The following CLDN10 variants were observed in gnomAD, a reference collection of about 807,000 sequenced individuals.
The protein encoded by CLDN10 is claudin-10.
In CLDN10, 15 loss-of-function variants were observed where a neutral mutation model predicts 22.9. The ratio of observed to expected loss-of-function variants is 0.65; its 90% CI spans 0.44 to 1.01. The LOEUF (loss-of-function observed/expected upper bound fraction) is 1.01. Ranked by LOEUF, CLDN10 falls within the 50% of genes least tolerant of loss-of-function variation. The pLI, the probability that CLDN10 is intolerant of heterozygous loss-of-function variation, is 0.00. For synonymous variants in CLDN10, 114 were observed against 111.4 expected (o/e 1.02, Z -0.15); for missense variants, 247 against 287.8 (o/e 0.86, Z 1.03).
intron 1 of CLDN10, chr13:95,479,872 T>G (rs1374872633): frequency 6.6e-6 from 1 of 152,300 alleles, no homozygotes; most frequent in Non-Finnish European, 1.5e-5. Context: ...CTCAAGGGTT[T>G]GCAACAGAGA....
At position 95,578,769 on chromosome 13, in the gene CLDN10, C is replaced by A. The variant is rs985167368; in HGVS notation, c.*755C>A. ...GTGAATATTTAGTTGTTTTCATAAA[C>A]GATGCTGTGATGAAGACTCATGTAC... On this transcript the variant is annotated 3_prime_UTR_variant, in exon 5 of 5. Transcript: ENST00000299339. 7 of 152,184 alleles carry A rather than the reference C, an allele frequency of 4.6e-5. No homozygotes were observed. The highest frequency in any genetic ancestry group is 4.6e-4 in the Admixed American group (7 of 15,278). The allele number at this position is 152,184 out of a possible 1,614,324, so 9.4% of individuals were successfully genotyped here. A position where few individuals can be genotyped will look rare whatever the true frequency, so the allele number is the denominator to read the frequency against.
In CLDN10 at chr13:95,457,472, C is replaced by G. The variant is rs531907378; in HGVS notation, c.214+23425C>G. Among the ~76,000 whole-genome samples the G allele has an allele frequency of 2.4e-4, 37 of 152,182 alleles. No individual in the cohort carries two copies. In the South Asian group the frequency reaches 7.7e-3, roughly 32 times the overall value. The stretch of plus-strand genomic sequence containing the variant: ...TGTTCTGTGCAGTCTTGGGAACTGA[C>G]AGAGCAGTTGTGGTTATCTGTTTGA... On this transcript the variant is annotated intron_variant, in intron 1 of 4. Transcript: ENST00000376873.
intron 3 of CLDN10, among the ~76,000 whole-genome samples, chr13:95,568,919 G>T (rs547747129): frequency 6.6e-6 from 1 of 152,058 alleles, no homozygotes; most frequent in Non-Finnish European, 1.5e-5. Context: ...GTAAACCCTC[G>T]CTCTGCCACT....
chr13:95,575,499 A>G (rs1265762788), intron 3 of CLDN10, among the ~76,000 whole-genome samples: 1 of 152,040 alleles, frequency 6.6e-6, no homozygotes, highest in Non-Finnish European at 1.5e-5. Context: ...GTGTAACACA[A>G]TATTTAATGA....
intron 1 of CLDN10, among the ~76,000 whole-genome samples, chr13:95,448,296 C>T (rs985083492): frequency 2.6e-5 from 4 of 152,036 alleles, no homozygotes; most frequent in Admixed American, 6.6e-5. Context: ...ACATAGCCAG[C>T]CATTTGCCAT....
At chr13:95,575,670 G>A (rs1272090848) in intron 3 of CLDN10, among the ~76,000 whole-genome samples, 1 of 151,624 alleles carries the variant, frequency 6.6e-6, no homozygotes, top group Non-Finnish European at 1.5e-5. Context: ...AAGGGAACCC[G>A]CTGAAGTTTC....
upstream of CLDN10, among the ~76,000 whole-genome samples, chr13:95,550,695 A>T (rs2043553878): frequency 6.6e-6 from 1 of 152,170 alleles, no homozygotes; most frequent in African/African-American, 2.4e-5. Context: ...AGGGCAAAAA[A>T]ACAGATGATA....
intron 1 of CLDN10, among the ~76,000 whole-genome samples, chr13:95,454,703 G>A (rs958891545): frequency 2.0e-5 from 3 of 152,154 alleles, no homozygotes; most frequent in Non-Finnish European, 4.4e-5. Flanking sequence ...AGGGTCCTGG[G>A]CCCTTTCAGA....
intron 1 of CLDN10, among the ~76,000 whole-genome samples, chr13:95,440,716 G>A (rs2042316381): frequency 6.6e-6 from 1 of 152,212 alleles, no homozygotes; most frequent in Non-Finnish European, 1.5e-5. Flanking sequence ...TATTATATGT[G>A]TACTGACACA....
chr13:95,517,354 G>A (rs1000112305), intron 1 of CLDN10, among the ~76,000 whole-genome samples: 1 of 152,106 alleles, frequency 6.6e-6, no homozygotes, highest in African/African-American at 2.4e-5. Flanking sequence ...GAGTGTGTTG[G>A]GGTAGACACC....
At chr13:95,541,211 C>G (rs2043456943) in intron 1 of CLDN10, among the ~76,000 whole-genome samples, 1 of 152,204 alleles carries the variant, frequency 6.6e-6, no homozygotes, top group Admixed American at 6.5e-5. Context: ...ACTCGTCTGC[C>G]TTTCCTTTCT....
chr13:95,517,013 T>TCCTTCCTTCCTTCCTCCCTC (rs2043175639), intron 1 of CLDN10, among the ~76,000 whole-genome samples: 1 of 66,222 alleles, frequency 1.5e-5, no homozygotes, highest in African/African-American at 5.0e-5. Context: ...CTTCCTTCCT[T>TCCTTCCTTCCTTCCTCCCTC]CCTTCCTTCC....
At chr13:95,458,338 G>A (rs980842330) in intron 1 of CLDN10, among the ~76,000 whole-genome samples, 2 of 152,164 alleles carry the variant, frequency 1.3e-5, no homozygotes, top group African/African-American at 4.8e-5. Flanking sequence ...AGGCTGGAGT[G>A]CAGTGGTGAT....
At chr13:95,534,913 A>C (rs1378268301) in intron 1 of CLDN10, among the ~76,000 whole-genome samples, 2 of 152,226 alleles carry the variant, frequency 1.3e-5, no homozygotes, top group African/African-American at 4.8e-5. Flanking sequence ...CAGCAGGGAC[A>C]TGGATACAAA....
chr13:95,521,913 T>C (rs1174637495), intron 1 of CLDN10, among the ~76,000 whole-genome samples: 1 of 152,036 alleles, frequency 6.6e-6, no homozygotes. Flanking sequence ...GGTGAAGAGA[T>C]TTGTTCATTT....
chr13:95,490,508 T>G (rs2042861615), intron 1 of CLDN10, among the ~76,000 whole-genome samples: 1 of 152,212 alleles, frequency 6.6e-6, no homozygotes, highest in South Asian at 2.1e-4. Context: ...ATTTCCATCT[T>G]GATTTTGTTT....
chr13:95,505,102 C>A (rs2043024650), intron 1 of CLDN10, among the ~76,000 whole-genome samples: 1 of 152,156 alleles, frequency 6.6e-6, no homozygotes, highest in Non-Finnish European at 1.5e-5. Flanking sequence ...TTGGTGTTTT[C>A]AAAGGCAAAT....
chr13:95,433,972 C>T, exon 1 of CLDN10: 1 of 1,614,218 alleles, frequency 6.2e-7, no homozygotes, highest in Non-Finnish European at 8.5e-7. Flanking sequence ...TTACCAGGGT[C>T]TGTGGATGAA....
intron 1 of CLDN10, among the ~76,000 whole-genome samples, chr13:95,495,760 AAAAGAAAG>A (rs781323865): frequency 1.0e-3 from 131 of 129,364 alleles, no homozygotes; most frequent in Middle Eastern, 4.2e-3. Flanking sequence ...AAAAAAAAAG[AAAAGAAAG>A]AAAGAAAGAA....
Sources: allele counts gnomAD v4.1 joint callset (sites outside exome capture counted in the v4.1 genomes callset), GRCh38; gene constraint gnomAD v4.1.1; transcripts MANE v1.5; gene names NCBI Gene and HGNC (gene_info 2026-07-23, HGNC 2026-07-21).